Variants in TMEFF2 observed in about 807,000 individuals in gnomAD.
The protein encoded by TMEFF2 is transmembrane protein with EGF like and two follistatin like domains 2.
In TMEFF2, 28 loss-of-function variants were observed where a neutral mutation model predicts 53.8. The observed-to-expected ratio is 0.52, with a 90% confidence interval of 0.39 to 0.71. The LOEUF is 0.71. Among genes scored for constraint, TMEFF2 ranks in the 30% least tolerant of loss-of-function variants. The pLI, the probability that TMEFF2 is intolerant of heterozygous loss-of-function variation, is 0.00. For synonymous variants in TMEFF2, 162 were observed against 166.3 expected (o/e 0.97, Z 0.20); for missense variants, 353 against 455.2 (o/e 0.78, Z 2.04).
intron 5 of TMEFF2, among the ~76,000 whole-genome samples, chr2:192,039,477 A>T (rs1269234616): frequency 6.6e-6 from 1 of 152,188 alleles, no homozygotes; most frequent in East Asian, 1.9e-4. Context: ...ATTTATCATA[A>T]AACTTTGATC....
intron 4 of TMEFF2, among the ~76,000 whole-genome samples, chr2:192,083,465 G>A (rs1381795582): frequency 6.6e-6 from 1 of 152,010 alleles, no homozygotes; most frequent in East Asian, 1.9e-4. Flanking sequence ...TACTGGAAGG[G>A]GAATGCAGAT....
intron 4 of TMEFF2, among the ~76,000 whole-genome samples, chr2:192,129,617 T>C (rs188182262): frequency 1.8e-3 from 273 of 152,320 alleles, no homozygotes; most frequent in African/African-American, 5.6e-3. Context: ...TAGTGCAGCA[T>C]AGAATTAAGG....
At chr2:192,069,728 A>G (rs1688242949) in intron 4 of TMEFF2, among the ~76,000 whole-genome samples, 2 of 151,876 alleles carry the variant, frequency 1.3e-5, no homozygotes, top group South Asian at 4.1e-4. Context: ...CTGCCATTAG[A>G]TCACCAAGGT....
chr2:191,977,152 A>C (rs1226696553), intron 7 of TMEFF2, among the ~76,000 whole-genome samples: 1 of 152,266 alleles, frequency 6.6e-6, no homozygotes, highest in Non-Finnish European at 1.5e-5. Context: ...GAATTAGCCA[A>C]AGACAAAAGC....
At chr2:191,976,843 C>T (rs1419740421) in intron 7 of TMEFF2, among the ~76,000 whole-genome samples, 1 of 152,202 alleles carries the variant, frequency 6.6e-6, no homozygotes, top group Non-Finnish European at 1.5e-5. Context: ...AATAAGATCA[C>T]AGGCTTGGGA....
chr2:192,086,711 A>G (rs1411523751), intron 4 of TMEFF2, among the ~76,000 whole-genome samples: 1 of 152,130 alleles, frequency 6.6e-6, no homozygotes, highest in African/African-American at 2.4e-5. Flanking sequence ...GGGACAAGCA[A>G]CCTTAAGTTC....
At chr2:192,042,282 A>G (rs1324055601) in intron 5 of TMEFF2, among the ~76,000 whole-genome samples, 1 of 152,326 alleles carries the variant, frequency 6.6e-6, no homozygotes, top group East Asian at 1.9e-4. Context: ...TTGCCAAAAT[A>G]TGACATAGAG....
In TMEFF2 at chr2:191,956,713, T is replaced by C. The variant is rs551397000; in HGVS notation, c.746-335A>G. Reference sequence around the variant, plus strand: ...TCATGAAATACTCCAAGAAGAAATATCCTATTTTTTAAATTTCAAAGCCCA... The same window carrying C: ...TCATGAAATACTCCAAGAAGAAATACCCTATTTTTTAAATTTCAAAGCCCA... On this transcript the variant is annotated intron_variant, in intron 7 of 9. Transcript: ENST00000272771. Among the ~76,000 whole-genome samples the C allele has an allele frequency of 2.6e-5, 4 of 152,240 alleles. No individual in the cohort carries two copies. In the East Asian group the frequency reaches 7.7e-4, roughly 29 times the overall value.
intron 7 of TMEFF2, among the ~76,000 whole-genome samples, chr2:191,988,294 A>C (rs377279565): frequency 7.5e-4 from 115 of 152,334 alleles, no homozygotes; most frequent in South Asian, 3.1e-3. Flanking sequence ...ATTAAAAATC[A>C]AAAATCAATA....
chr2:191,987,378 G>GGAAA (rs1686002320), intron 7 of TMEFF2, among the ~76,000 whole-genome samples: 1 of 150,196 alleles, frequency 6.7e-6, no homozygotes, highest in Non-Finnish European at 1.5e-5. Flanking sequence ...ATCGAAAGTT[G>GGAAA]GAAAGACAAC....
chr2:192,109,635 C>CAT (rs780024107), intron 4 of TMEFF2, among the ~76,000 whole-genome samples: 2 of 152,052 alleles, frequency 1.3e-5, no homozygotes, highest in Non-Finnish European at 2.9e-5. Context: ...TGACGCACTA[C>CAT]ATATGGTGGG....
At chr2:192,122,341 C>T (rs890474999) in intron 4 of TMEFF2, among the ~76,000 whole-genome samples, 6 of 152,054 alleles carry the variant, frequency 3.9e-5, no homozygotes, top group Non-Finnish European at 8.8e-5. Flanking sequence ...AATATTTTGG[C>T]GTGTAATAGC....
At chr2:192,104,053 G>A (rs1309793797) in intron 4 of TMEFF2, among the ~76,000 whole-genome samples, 1 of 152,036 alleles carries the variant, frequency 6.6e-6, no homozygotes, top group Non-Finnish European at 1.5e-5. Flanking sequence ...TGAAAAGAAA[G>A]CAAAGGAAAG....
At chr2:191,979,911 G>A (rs886223041) in intron 7 of TMEFF2, among the ~76,000 whole-genome samples, 2 of 150,702 alleles carry the variant, frequency 1.3e-5, no homozygotes, top group Admixed American at 1.3e-4. Flanking sequence ...TGCATTATAA[G>A]TTGGTTAAAT....
rs529373819 is a variant in TMEFF2 at position 191,961,618 on chromosome 2, C to T, written c.746-5240G>A. 5.9e-5 allele frequency among the ~76,000 whole-genome samples: 9 copies of T among 152,204 alleles called. 1 individual carries two copies. In the South Asian group the frequency reaches 1.9e-3, roughly 32 times the overall value. The stretch of plus-strand genomic sequence containing the variant: ...CCTTATATTTACATTGTGCCTGGGA[C>T]AGAAATAAATTATAAATACAGAAAT... On this transcript the variant is annotated intron_variant, in intron 7 of 9. Transcript: ENST00000272771.
At chr2:192,061,388 AAAT>A (rs1044435264) in intron 4 of TMEFF2, among the ~76,000 whole-genome samples, 22 of 152,298 alleles carry the variant, frequency 1.4e-4, no homozygotes, top group South Asian at 4.2e-4. Flanking sequence ...CAGAAATAAA[AAAT>A]AATAAAAAAA....
At chr2:192,106,513 C>T (rs998050622) in intron 4 of TMEFF2, among the ~76,000 whole-genome samples, 4 of 151,632 alleles carry the variant, frequency 2.6e-5, no homozygotes, top group African/African-American at 9.7e-5. Flanking sequence ...CAACACTTAG[C>T]CTACACTGTT....
intron 5 of TMEFF2, among the ~76,000 whole-genome samples, chr2:192,033,543 A>G (rs1253204380): frequency 7.5e-6 from 1 of 134,226 alleles, no homozygotes. Context: ...TTTTTTTTAC[A>G]CAAAACCTGT....
intron 4 of TMEFF2, among the ~76,000 whole-genome samples, chr2:192,155,709 C>T (rs1454334784): frequency 1.3e-5 from 2 of 151,990 alleles, no homozygotes; most frequent in Admixed American, 1.3e-4. Flanking sequence ...GCAACTGCAA[C>T]AGCTGGATCA....
Sources: allele counts gnomAD v4.1 joint callset (sites outside exome capture counted in the v4.1 genomes callset), GRCh38; gene constraint gnomAD v4.1.1; transcripts MANE v1.5; gene names NCBI Gene and HGNC (gene_info 2026-07-23, HGNC 2026-07-21).